Variants in SYN3 observed in about 807,000 individuals in gnomAD.
SYN3 encodes synapsin-3.
Under a neutral mutation model 65.8 loss-of-function variants are expected in SYN3, and 35 were observed. The observed-to-expected ratio is 0.53, with a 90% CI of 0.41 to 0.70. The LOEUF (loss-of-function observed/expected upper bound fraction) is 0.70. Among genes scored for constraint, SYN3 ranks in the 30% least tolerant of loss-of-function variants. The pLI, the probability that SYN3 is intolerant of heterozygous loss-of-function variation, is 0.00. For synonymous variants in SYN3, 270 were observed against 292.9 expected, an observed-to-expected ratio of 0.92 and a Z score of 0.80; for missense variants, 680 against 749.0, an observed-to-expected ratio of 0.91 and a Z score of 1.08.
intron 12 of SYN3, among the ~76,000 whole-genome samples, chr22:32,523,009 T>A (rs1569000847): frequency 6.6e-6 from 1 of 152,364 alleles, no homozygotes; most frequent in East Asian, 1.9e-4. Context: ...ATTGGAGGGT[T>A]GTGACGACCT....
At chr22:33,034,526 G>C (rs1407830144) in intron 1 of SYN3, among the ~76,000 whole-genome samples, 1 of 151,962 alleles carries the variant, frequency 6.6e-6, no homozygotes, top group African/African-American at 2.4e-5. Flanking sequence ...GATTACAGGG[G>C]TGAGCCACCA....
intron 6 of SYN3, among the ~76,000 whole-genome samples, chr22:32,753,313 A>G (rs2045193652): frequency 6.6e-6 from 1 of 152,158 alleles, no homozygotes; most frequent in African/African-American, 2.4e-5. Context: ...CCCAGGGAAC[A>G]ACCCCAGGGG....
At chr22:32,977,839 T>C (rs761848197) in intron 3 of SYN3, among the ~76,000 whole-genome samples, 2 of 152,022 alleles carry the variant, frequency 1.3e-5, no homozygotes, top group Non-Finnish European at 2.9e-5. Flanking sequence ...CCTGCAAATA[T>C]TTCCTTCAGT....
At chr22:32,822,546 G>C (rs2047280297) in intron 6 of SYN3, among the ~76,000 whole-genome samples, 1 of 152,208 alleles carries the variant, frequency 6.6e-6, no homozygotes, top group South Asian at 2.1e-4. Flanking sequence ...CTTACTTCTA[G>C]AAATTTAGTC....
chr22:32,734,661 C>T (rs950626696), intron 6 of SYN3, among the ~76,000 whole-genome samples: 1 of 152,114 alleles, frequency 6.6e-6, no homozygotes, highest in East Asian at 1.9e-4. Flanking sequence ...GGCTGAGATC[C>T]GAGATGAAGA....
intron 3 of SYN3, among the ~76,000 whole-genome samples, chr22:32,950,660 T>C (rs753078527): frequency 1.3e-5 from 2 of 152,158 alleles, no homozygotes; most frequent in Non-Finnish European, 2.9e-5. Flanking sequence ...CAGCCACATA[T>C]CTAGTTAGTA....
intron 6 of SYN3, among the ~76,000 whole-genome samples, chr22:32,855,652 C>G (rs1482941556): frequency 6.6e-6 from 1 of 152,170 alleles, no homozygotes; most frequent in Non-Finnish European, 1.5e-5. Flanking sequence ...AACCTCAGTA[C>G]CATTGACATT....
At chr22:32,956,984 G>A (rs187298757) in intron 3 of SYN3, among the ~76,000 whole-genome samples, 8 of 152,274 alleles carry the variant, frequency 5.3e-5, no homozygotes, top group East Asian at 1.9e-4. Context: ...AAGACAGCCC[G>A]TGTGGATGGA....
At chr22:33,023,515 T>C (rs2053592123) in intron 1 of SYN3, among the ~76,000 whole-genome samples, 1 of 152,178 alleles carries the variant, frequency 6.6e-6, no homozygotes, top group African/African-American at 2.4e-5. Context: ...TATATCTTTA[T>C]TGGCAGCATG....
chr22:33,039,281 T>C lies in SYN3; in HGVS notation c.-163+19011A>G, dbSNP rs765966736. Among the ~76,000 whole-genome samples the C allele has an allele frequency of 3.3e-5, 5 of 152,270 alleles. No individual in the cohort carries two copies. The East Asian group carries it at 9.7e-4, about 29-fold the overall frequency. Reference sequence around the variant, plus strand: ...TAACCCTAAAGTCCATGCTCAAAGCTACTATGCCATGATGCCTCCAGGAGG... The same window carrying C: ...TAACCCTAAAGTCCATGCTCAAAGCCACTATGCCATGATGCCTCCAGGAGG... On this transcript the variant is annotated intron_variant, in intron 1 of 13. Coordinates refer to ENST00000358763, the MANE Select transcript of SYN3 (RefSeq NM_003490.4).
At chr22:32,719,776 A>T (rs2061090510) in intron 6 of SYN3, among the ~76,000 whole-genome samples, 2 of 152,304 alleles carry the variant, frequency 1.3e-5, no homozygotes, top group African/African-American at 4.8e-5. Flanking sequence ...TTAGCCTAGG[A>T]GTTTGAGGTT....
chr22:32,518,530 G>A (rs2057820044), intron 12 of SYN3, 196 bp from the exon 13 acceptor site: 2 of 736,190 alleles, frequency 2.7e-6, no homozygotes, highest in African/African-American at 1.7e-5. Context: ...GGAATATGCT[G>A]TGGTCATCAC....
chr22:32,925,046 C>T (rs1415976706), intron 4 of SYN3, among the ~76,000 whole-genome samples: 4 of 151,930 alleles, frequency 2.6e-5, no homozygotes, highest in Non-Finnish European at 2.9e-5. Context: ...GAGCAGTGAT[C>T]GCATCACTGT....
rs1000389995 is a variant in SYN3 at position 32,778,570 on chromosome 22, A to T, written c.711+86345T>A. ...GCCTCCCAAAGTGCTGGGATTACAGATGTGAGCCACCGCACCCGGCCAAGA... is the reference window on the plus strand; with the variant it reads ...GCCTCCCAAAGTGCTGGGATTACAGTTGTGAGCCACCGCACCCGGCCAAGA... On this transcript the variant is annotated intron_variant, in intron 6 of 13. Coordinates refer to ENST00000358763, the MANE Select transcript of SYN3 (RefSeq NM_003490.4). 3.3e-5 allele frequency among the ~76,000 whole-genome samples: 5 copies of T among 152,218 alleles called. No homozygotes were observed. The East Asian group carries it at 5.8e-4, about 18-fold the overall frequency.
chr22:32,973,364 C>T (rs2052081007), intron 3 of SYN3, among the ~76,000 whole-genome samples: 1 of 152,198 alleles, frequency 6.6e-6, no homozygotes, highest in African/African-American at 2.4e-5. Context: ...CTTTTCACCA[C>T]ATACCACTGT....
chr22:32,672,037 A>T (rs1357964895), intron 6 of SYN3, among the ~76,000 whole-genome samples: 2 of 152,236 alleles, frequency 1.3e-5, no homozygotes, highest in South Asian at 2.1e-4. Context: ...AGCAGTTGTT[A>T]CAGAGAAAAG....
chr22:32,865,826 A>G (rs1469292912), intron 5 of SYN3, among the ~76,000 whole-genome samples: 4 of 152,140 alleles, frequency 2.6e-5, no homozygotes, highest in African/African-American at 7.2e-5. Flanking sequence ...TGTGACACTA[A>G]TATCTTGCTG....
intron 6 of SYN3, among the ~76,000 whole-genome samples, chr22:32,660,420 C>T (rs1169587248): frequency 6.6e-6 from 1 of 152,158 alleles, no homozygotes; most frequent in Admixed American, 6.5e-5. Flanking sequence ...GTGTGCCCAC[C>T]AGATGGCGGC....
intron 6 of SYN3, among the ~76,000 whole-genome samples, chr22:32,661,242 T>G (rs2060212090): frequency 6.6e-6 from 1 of 152,244 alleles, no homozygotes; most frequent in African/African-American, 2.4e-5. Flanking sequence ...TTCAGACCCC[T>G]ACGCCCTGCT....
Sources: gnomAD v4.1 joint callset for allele counts (sites outside exome capture counted in the v4.1 genomes callset) on GRCh38, gnomAD v4.1.1 for gene constraint, MANE v1.5 for transcripts, NCBI Gene and HGNC (gene_info 2026-07-23, HGNC 2026-07-21) for gene names.